CNTNAP2: variants seen among roughly 807,000 people sequenced by gnomAD.
CNTNAP2 encodes the protein contactin associated protein 2, also known as contactin-associated protein-like 2.
In CNTNAP2, 98 loss-of-function variants were observed where a neutral mutation model predicts 155.2. That is an observed-to-expected ratio of 0.63 (90% CI 0.54 to 0.75). The LOEUF is 0.75. Ranked by LOEUF, CNTNAP2 falls within the 30% of genes least tolerant of loss-of-function variation. The probability of loss-of-function intolerance (pLI) is 0.00; values close to 1 mark genes in which losing one functional copy is unlikely to be tolerated. For missense variants in CNTNAP2, 1,727 were observed against 1,688.1 expected (o/e 1.02, Z -0.40); for synonymous variants, 651 against 631.2 (o/e 1.03, Z -0.47).
intron 13 of CNTNAP2, among the ~76,000 whole-genome samples, chr7:147,759,736 G>A (rs1161641891): frequency 6.6e-6 from 1 of 152,130 alleles, no homozygotes; most frequent in African/African-American, 2.4e-5. Context: ...ATGCATGTAG[G>A]CCATCGTTTC....
In CNTNAP2 at chr7:146,139,738, A is replaced by C. The variant is rs926163447; in HGVS notation, c.97+22765A>C. Among the ~76,000 whole-genome samples, 6 of 152,252 alleles carry C rather than the reference A, an allele frequency of 3.9e-5. No individual in the cohort carries two copies. The South Asian group carries it at 1.0e-3, about 26-fold the overall frequency. The stretch of plus-strand genomic sequence containing the variant: ...CTTTGTATAAGACAGACCTAAATTC[A>C]ACTAAGGGACCCTATTTAAGAAGTT... On this transcript the variant is annotated intron_variant, in intron 1 of 23. Coordinates refer to ENST00000361727, the MANE Select transcript of CNTNAP2 (RefSeq NM_014141.6).
intron 11 of CNTNAP2, among the ~76,000 whole-genome samples, chr7:147,530,762 T>C (rs924968279): frequency 6.6e-6 from 1 of 152,068 alleles, no homozygotes; most frequent in African/African-American, 2.4e-5. Context: ...TCAAAACCAA[T>C]CATGCCTTCC....
chr7:146,495,109 G>A (rs1797194589), intron 1 of CNTNAP2, among the ~76,000 whole-genome samples: 1 of 152,184 alleles, frequency 6.6e-6, no homozygotes, highest in African/African-American at 2.4e-5. Context: ...AAAATGATGA[G>A]TGAGGTTGTC....
At chr7:147,167,189 G>A (rs1252568900) in intron 8 of CNTNAP2, among the ~76,000 whole-genome samples, 3 of 152,060 alleles carry the variant, frequency 2.0e-5, no homozygotes, top group Non-Finnish European at 4.4e-5. Context: ...GCTCTCACAT[G>A]CAAGGATCTT....
intron 1 of CNTNAP2, among the ~76,000 whole-genome samples, chr7:146,134,220 T>C (rs1339845362): frequency 6.6e-6 from 1 of 151,796 alleles, no homozygotes; most frequent in Non-Finnish European, 1.5e-5. Context: ...TTGTCTGTTG[T>C]TGGTGTATAA....
chr7:147,795,983 G>A lies in CNTNAP2; in HGVS notation c.2099-107582G>A, dbSNP rs540055028. ...TATCTACAACTGATTTTGAAGCATA[G>A]GATTTAACTAGATCCACAATATAGT... is the stretch of plus-strand genomic sequence containing the variant. On this transcript the variant is annotated intron_variant, in intron 13 of 23. Coordinates refer to ENST00000361727, the MANE Select transcript of CNTNAP2 (RefSeq NM_014141.6). Among the ~76,000 whole-genome samples, 62 of 152,162 alleles carry A rather than the reference G, an allele frequency of 4.1e-4. 1 individual carries two copies. Among genetic ancestry groups the A allele is most frequent in the African/African-American group, 1.2e-3 (48 of 41,518 alleles).
intron 12 of CNTNAP2, among the ~76,000 whole-genome samples, chr7:147,626,729 A>C (rs574010139): frequency 6.6e-6 from 1 of 152,310 alleles, no homozygotes; most frequent in Admixed American, 6.5e-5. Flanking sequence ...CCATTACAGC[A>C]ACTCATGGTA....
chr7:146,947,917 C>T (rs1383335894), intron 3 of CNTNAP2, among the ~76,000 whole-genome samples: 1 of 151,904 alleles, frequency 6.6e-6, no homozygotes, highest in Non-Finnish European at 1.5e-5. Flanking sequence ...GCAACAACAA[C>T]AACAAAATTT....
chr7:147,101,761 C>G (rs946750429), intron 4 of CNTNAP2, among the ~76,000 whole-genome samples: 11 of 152,096 alleles, frequency 7.2e-5, no homozygotes, highest in Non-Finnish European at 1.6e-4. Context: ...GATGTACAGA[C>G]GCTTCCTCTC....
intron 1 of CNTNAP2, among the ~76,000 whole-genome samples, chr7:146,417,650 T>C (rs1425240093): frequency 6.6e-6 from 1 of 152,298 alleles, no homozygotes; most frequent in East Asian, 1.9e-4. Context: ...TTCATAGTTT[T>C]AAAATTTTCT....
intron 9 of CNTNAP2, among the ~76,000 whole-genome samples, chr7:147,347,406 C>T (rs1584889215): frequency 9.2e-6 from 1 of 108,892 alleles, no homozygotes; most frequent in Non-Finnish European, 2.1e-5. Flanking sequence ...TGTATTTCCT[C>T]TTATGTGAAA....
chr7:147,949,440 G>GTGTATA (rs374972144), intron 14 of CNTNAP2, among the ~76,000 whole-genome samples: 3 of 127,402 alleles, frequency 2.4e-5, no homozygotes, highest in African/African-American at 8.2e-5. Flanking sequence ...TCAACTGTGT[G>GTGTATA]TATATATATA....
rs113834957 is a variant in CNTNAP2 at position 148,280,736 on chromosome 7, C to T, written c.3475+13610C>T. Among the ~76,000 whole-genome samples, 20 of 151,874 alleles carry T rather than the reference C, an allele frequency of 1.3e-4. No homozygotes were observed. The South Asian group carries it at 3.5e-3, about 27-fold the overall frequency. The stretch of plus-strand genomic sequence containing the variant: ...GAGTTTCAGACCAGCCTAGTCAACA[C>T]GGCAAAACCCCGTCTCTACTAAAAA... On this transcript the variant is annotated intron_variant, in intron 21 of 23. Transcript: ENST00000361727.
intron 8 of CNTNAP2, among the ~76,000 whole-genome samples, chr7:147,291,610 G>C (rs1805314520): frequency 1.3e-5 from 2 of 152,062 alleles, no homozygotes; most frequent in African/African-American, 4.8e-5. Context: ...ATTCCTGTAT[G>C]AGTATTTTTG....
chr7:147,607,066 T>G (rs77954819), intron 12 of CNTNAP2, among the ~76,000 whole-genome samples: 1 of 152,208 alleles, frequency 6.6e-6, no homozygotes, highest in African/African-American at 2.4e-5. Context: ...AAAAGCTATT[T>G]CTAGCTAATT....
chr7:146,522,051 C>G (rs1404500199), intron 1 of CNTNAP2, among the ~76,000 whole-genome samples: 1 of 151,530 alleles, frequency 6.6e-6, no homozygotes, highest in South Asian at 2.1e-4. Flanking sequence ...AAGAGCTATA[C>G]TCCCTGTTTT....
intron 1 of CNTNAP2, among the ~76,000 whole-genome samples, chr7:146,187,085 A>T (rs1798634793): frequency 6.6e-6 from 1 of 152,168 alleles, no homozygotes; most frequent in South Asian, 2.1e-4. Flanking sequence ...CTTAGAAATA[A>T]TTTTTTAAAG....
In CNTNAP2 at chr7:148,320,611, T is replaced by C. The variant is rs71534746; in HGVS notation, c.3475+53485T>C. 1.6e-3 allele frequency among the ~76,000 whole-genome samples: 241 copies of C among 151,750 alleles called. 1 individual carries two copies. The highest frequency in any genetic ancestry group is 5.4e-3 in the African/African-American group (222 of 41,390). ...GTTGGCCAGGCTGGTCTCAAACTCC[T>C]GACCTCAGGTGATCCGCCCGCCTCC... On this transcript the variant is annotated intron_variant, in intron 21 of 23. Transcript: ENST00000361727.
At chr7:148,118,733 G>A (rs185004810) in intron 16 of CNTNAP2, among the ~76,000 whole-genome samples, 18 of 152,262 alleles carry the variant, frequency 1.2e-4, no homozygotes, top group Admixed American at 7.2e-4. Context: ...AGGAGGCCAC[G>A]GAGACCACAG....
Sources: allele counts gnomAD v4.1 joint callset (sites outside exome capture counted in the v4.1 genomes callset), GRCh38; gene constraint gnomAD v4.1.1; transcripts MANE v1.5; gene names NCBI Gene and HGNC (gene_info 2026-07-23, HGNC 2026-07-21).